Variants in SLC4A4 observed in about 807,000 individuals in gnomAD.
SLC4A4 encodes electrogenic sodium bicarbonate cotransporter 1.
In SLC4A4, 27 loss-of-function variants were observed where a neutral mutation model predicts 111.5. The ratio of observed to expected loss-of-function variants is 0.24; its 90% CI spans 0.18 to 0.33. SLC4A4 has a LOEUF of 0.33. SLC4A4 is among the 10% of genes least tolerant of loss of function. The pLI is 1.00. For missense variants in SLC4A4, 909 were observed against 1,315.5 expected, an observed-to-expected ratio of 0.69 and a Z score of 4.78; for synonymous variants, 443 against 463.4, an observed-to-expected ratio of 0.96 and a Z score of 0.57.
chr4:71,471,488 T>G (rs1727863152), intron 13 of SLC4A4, among the ~76,000 whole-genome samples: 1 of 151,668 alleles, frequency 6.6e-6, no homozygotes, highest in African/African-American at 2.4e-5. Flanking sequence ...AGGTGGAGAG[T>G]TGACTGCCTA....
chr4:71,260,789 T>A (rs940481846), intron 3 of SLC4A4, among the ~76,000 whole-genome samples: 1 of 152,194 alleles, frequency 6.6e-6, no homozygotes, highest in Non-Finnish European at 1.5e-5. Flanking sequence ...TTAACTTCTT[T>A]GTGCTCTAGT....
chr4:71,490,867 G>A (rs1162770265), intron 15 of SLC4A4, among the ~76,000 whole-genome samples: 1 of 151,776 alleles, frequency 6.6e-6, no homozygotes, highest in African/African-American at 2.4e-5. Context: ...AGTTGGGCAT[G>A]ATGGCACACA....
intron 16 of SLC4A4, among the ~76,000 whole-genome samples, chr4:71,501,105 T>C (rs1340158341): frequency 2.0e-5 from 3 of 152,176 alleles, no homozygotes; most frequent in Admixed American, 2.0e-4. Flanking sequence ...TATCTTTCCA[T>C]TTACTCCTGT....
chr4:71,089,332 A>G (rs906714203), intron 1 of SLC4A4, among the ~76,000 whole-genome samples: 37 of 151,850 alleles, frequency 2.4e-4, no homozygotes, highest in Admixed American at 2.2e-3. Context: ...CTTCTTTGCC[A>G]TGGGTTCGAA....
Position 71,557,851 on chromosome 4 carries a change from A to G in SLC4A4, c.2903A>G (p.Lys968Arg), listed in dbSNP as rs2149249942. ...VLCLALLWIL[K>R]STVAAIIFPV... The stretch of plus-strand genomic sequence containing the variant: ...TGTCTGGCCCTGCTTTGGATCCTCA[A>G]GTCAACGGTGGCTGCTATCATTTTT... Residue 968 changes from lysine (K) to arginine (R), a missense_variant, in exon 22 of 26, where the codon AAG becomes AGG. Physicochemically the swap from Lys to Arg is conservative, Grantham distance 26 (BLOSUM62 2). This residue lies in a region of SLC4A4 where 104 missense variants were observed against 219.5 expected (regional missense o/e 0.47). Coordinates refer to ENST00000264485, the MANE Select transcript of SLC4A4 (RefSeq NM_001098484.3). 1 of 1,612,600 alleles carries G rather than the reference A, an allele frequency of 6.2e-7. No individual in the cohort carries two copies. Among genetic ancestry groups the G allele is most frequent in the Non-Finnish European group, 8.5e-7 (1 of 1,179,182 alleles).
At chr4:71,274,398 T>C (rs896679089) in intron 3 of SLC4A4, among the ~76,000 whole-genome samples, 3 of 152,194 alleles carry the variant, frequency 2.0e-5, no homozygotes, top group East Asian at 1.9e-4. Flanking sequence ...AGTGGCCAAC[T>C]GTATGTGCCA....
chr4:71,119,450 T>C (rs1022528855), intron 2 of SLC4A4, among the ~76,000 whole-genome samples: 2 of 152,102 alleles, frequency 1.3e-5, no homozygotes, highest in Non-Finnish European at 2.9e-5. Flanking sequence ...GGCACAATCA[T>C]GGCTCACGGC....
At chr4:71,458,739 A>G (rs1726527802) in intron 12 of SLC4A4, among the ~76,000 whole-genome samples, 1 of 152,102 alleles carries the variant, frequency 6.6e-6, no homozygotes, top group South Asian at 2.1e-4. Context: ...GATAAGATAG[A>G]CAAATCTTTA....
intron 3 of SLC4A4, among the ~76,000 whole-genome samples, chr4:71,285,157 T>C (rs925702131): frequency 6.6e-6 from 1 of 152,174 alleles, no homozygotes; most frequent in Non-Finnish European, 1.5e-5. Flanking sequence ...AAGCACTGCA[T>C]CAAGGAATCA....
intron 1 of SLC4A4, among the ~76,000 whole-genome samples, chr4:71,065,482 A>G (rs1741495944): frequency 6.7e-6 from 1 of 148,722 alleles, no homozygotes; most frequent in South Asian, 2.1e-4. Flanking sequence ...ATTTTGGCTG[A>G]AGATGAAAAT....
intron 7 of SLC4A4, among the ~76,000 whole-genome samples, chr4:71,432,527 A>G (rs1445266115): frequency 1.3e-5 from 2 of 152,144 alleles, no homozygotes; most frequent in Admixed American, 1.3e-4. Context: ...TTTTTTAAAA[A>G]TATTAGTATT....
intron 6 of SLC4A4, among the ~76,000 whole-genome samples, chr4:71,376,912 C>T (rs1028586761): frequency 6.6e-6 from 1 of 152,162 alleles, no homozygotes; most frequent in Non-Finnish European, 1.5e-5. Flanking sequence ...CCTGGGATTA[C>T]AGGCGTGAGC....
Position 71,311,355 on chromosome 4 carries a change from C to G in SLC4A4, c.254-28015C>G, listed in dbSNP as rs145409572. 3.3e-3 allele frequency among the ~76,000 whole-genome samples: 509 copies of G among 152,280 alleles called. 1 individual carries two copies. The highest frequency in any genetic ancestry group is 7.4e-3 in the African/African-American group (309 of 41,570). On this transcript the variant is annotated intron_variant, in intron 3 of 25. Coordinates refer to ENST00000264485, the MANE Select transcript of SLC4A4 (RefSeq NM_001098484.3). ...TGGACCAAGCAGACCTAATAGACAT[C>G]TACAAAACTCTCCACCCCAAATTAA...
intron 13 of SLC4A4, among the ~76,000 whole-genome samples, chr4:71,468,108 A>T (rs1727547803): frequency 6.6e-6 from 1 of 152,058 alleles, no homozygotes; most frequent in African/African-American, 2.4e-5. Context: ...AAAGTTCCAA[A>T]TTTTAAGTAG....
chr4:71,311,906 A>AGC, intron 3 of SLC4A4, among the ~76,000 whole-genome samples: 1 of 150,942 alleles, frequency 6.6e-6, no homozygotes, highest in East Asian at 2.0e-4. Flanking sequence ...AGAGAGAGAG[A>AGC]GAGAGAGAGA....
chr4:71,534,092 C>G (rs1734181175), intron 17 of SLC4A4, 135 bp from the exon 18 acceptor site: 1 of 741,716 alleles, frequency 1.3e-6, no homozygotes, highest in Non-Finnish European at 2.3e-6. Context: ...TCTTCATTCT[C>G]TAGCTCATAA....
Position 71,064,192 on chromosome 4 carries a change from G to A in SLC4A4, c.-65+1404G>A, listed in dbSNP as rs377667751. Among the ~76,000 whole-genome samples the A allele has an allele frequency of 2.0e-5, 3 of 152,298 alleles. No individual in the cohort carries two copies. In the East Asian group the frequency reaches 5.8e-4, roughly 29 times the overall value. ...TATGGTATAGTGGGAAGCCAGACCT[G>A]GATTTACTGTATCCTGGCCTTGAGC... On this transcript the variant is annotated intron_variant, in intron 1 of 26. Coordinates refer to the SLC4A4 transcript ENST00000649996.
intron 1 of SLC4A4, chr4:71,233,415 T>C: frequency 2.1e-6 from 1 of 469,038 alleles, no homozygotes; most frequent in Non-Finnish European, 2.8e-6. Context: ...AGCAGTACTC[T>C]CCTTTTGTCA....
chr4:71,097,000 A>G (rs562538148), intron 2 of SLC4A4, among the ~76,000 whole-genome samples: 5 of 152,072 alleles, frequency 3.3e-5, no homozygotes, highest in Admixed American at 6.6e-5. Flanking sequence ...TACATATAAC[A>G]TAAAATTTGC....
Sources: allele counts gnomAD v4.1 joint callset (sites outside exome capture counted in the v4.1 genomes callset), GRCh38; gene constraint gnomAD v4.1.1; regional missense constraint gnomAD v4.1.1; transcripts MANE v1.5; gene names NCBI Gene and HGNC (gene_info 2026-07-23, HGNC 2026-07-21).